The following ZNF184 variants were observed in gnomAD, a reference collection of about 807,000 sequenced individuals.
ZNF184 encodes zinc finger protein 184.
A neutral mutation model predicts 54.4 loss-of-function variants in ZNF184; 16 were observed. The observed-to-expected ratio is 0.29, with a 90% CI of 0.20 to 0.45. ZNF184 has a LOEUF of 0.45. Among genes scored for constraint, ZNF184 ranks in the 20% least tolerant of loss-of-function variants. The probability of loss-of-function intolerance (pLI) is 1.00; values close to 1 mark genes in which losing one functional copy is unlikely to be tolerated. For missense variants in ZNF184, 681 were observed against 888.2 expected (o/e 0.77, Z 2.97); for synonymous variants, 254 against 295.3 (o/e 0.86, Z 1.43).
intron 2 of ZNF184, among the ~76,000 whole-genome samples, chr6:27,468,632 C>T (rs1031986523): frequency 6.6e-6 from 1 of 152,166 alleles, no homozygotes; most frequent in African/African-American, 2.4e-5. Context: ...TGCCTTTCAA[C>T]AGAACACAGC....
intron 3 of ZNF184, 119 bp downstream of exon 3, chr6:27,467,734 G>T: frequency 1.1e-6 from 1 of 902,858 alleles, no homozygotes; most frequent in South Asian, 1.9e-5. Context: ...CTAGACAGAT[G>T]AGAGCCCAGA....
At chr6:27,438,626 TCCATGTCAGATC>T in the ZNF184 span, among the ~76,000 whole-genome samples, 1 of 152,180 alleles carries the variant, frequency 6.6e-6, no homozygotes, top group South Asian at 2.1e-4. Flanking sequence ...ATTTTATTCT[TCCATGTCAGATC>T]TTTCTGCAAA....
At chr6:27,427,019 A>C in the ZNF184 span, among the ~76,000 whole-genome samples, 5 of 151,956 alleles carry the variant, frequency 3.3e-5, no homozygotes, top group Admixed American at 3.3e-4. Flanking sequence ...CCTAAATGGC[A>C]AACAGCTAAT....
At chr6:27,443,331 A>G in the ZNF184 span, among the ~76,000 whole-genome samples, 1 of 152,254 alleles carries the variant, frequency 6.6e-6, no homozygotes, top group East Asian at 1.9e-4. Flanking sequence ...CTCCTCTAAG[A>G]CACCTGCTAT....
At chr6:27,427,504 T>A in the ZNF184 span, among the ~76,000 whole-genome samples, 3 of 152,208 alleles carry the variant, frequency 2.0e-5, no homozygotes, top group African/African-American at 7.2e-5. Context: ...TTGACTCTTC[T>A]GTTTCTTGAG....
At chr6:27,407,314 G>T in the ZNF184 span, among the ~76,000 whole-genome samples, 1 of 152,332 alleles carries the variant, frequency 6.6e-6, no homozygotes, top group East Asian at 1.9e-4. Context: ...TGTCCACCCT[G>T]TCTCGGCTGC....
intron 4 of ZNF184, 132 bp downstream of exon 4, chr6:27,457,151 G>T: frequency 7.7e-7 from 1 of 1,300,248 alleles, no homozygotes; most frequent in Non-Finnish European, 1.1e-6. Flanking sequence ...TGCTAGGATG[G>T]TAGAAACCTT....
chr6:27,465,218 C>T (rs1225636299), intron 3 of ZNF184, among the ~76,000 whole-genome samples: 14 of 148,758 alleles, frequency 9.4e-5, no homozygotes, highest in African/African-American at 3.5e-4. Flanking sequence ...GGCGCGGTGG[C>T]TCATGCCTGT....
rs893378010 is a variant in ZNF184 at position 27,451,660 on chromosome 6, T to C, written c.1899A>G (p.Gln633=). 1.2e-6 allele frequency: 2 copies of C among 1,614,156 alleles called. No individual in the cohort carries two copies. The highest frequency in any genetic ancestry group is 8.5e-7 in the Non-Finnish European group (1 of 1,179,998). ...AGGGTTTTTCTTCTGTGTGAGTTTT[T>C]TGATGTTGAGCAAGAGATGAACAAT... The part of the protein sequence containing the change: ...FRHCSSLAQH[Q]KTHTEEKPYQ... The change falls in exon 6 of 6, where the codon CAA becomes CAG. Residue 633 remains glutamine, a synonymous_variant. Transcript: ENST00000683788.
chr6:27,442,818 G>GAA, the ZNF184 span, among the ~76,000 whole-genome samples: 883 of 13,794 alleles, frequency 0.064, 45 homozygotes, highest in African/African-American at 0.19. Context: ...GAAAGAGAAA[G>GAA]AAAGAAAGAA....
At chr6:27,443,806 C>T in the ZNF184 span, among the ~76,000 whole-genome samples, 3 of 151,740 alleles carry the variant, frequency 2.0e-5, no homozygotes, top group Non-Finnish European at 4.4e-5. Context: ...CACTTTAGCT[C>T]TTACTTTCAC....
At chr6:27,435,176 T>C in the ZNF184 span, among the ~76,000 whole-genome samples, 1 of 152,136 alleles carries the variant, frequency 6.6e-6, no homozygotes, top group Non-Finnish European at 1.5e-5. Context: ...TTTTTCTTAT[T>C]ATCTAGAAAA....
At chr6:27,415,621 G>T in the ZNF184 span, among the ~76,000 whole-genome samples, 1 of 152,036 alleles carries the variant, frequency 6.6e-6, no homozygotes, top group Non-Finnish European at 1.5e-5. Flanking sequence ...TTATGTTTTG[G>T]AACGTTTCTT....
chr6:27,472,892 T>C lies in ZNF184; in HGVS notation c.-303A>G, dbSNP rs1265373815. The C allele has an allele frequency of 6.6e-6, 1 of 152,426 alleles. No individual in the cohort carries two copies. The highest frequency in any genetic ancestry group is 1.5e-5 in the Non-Finnish European group (1 of 68,286). The allele number at this position is 152,426 out of a possible 1,614,324, so 9.4% of individuals were successfully genotyped here. A position where few individuals can be genotyped will look rare whatever the true frequency, so the allele number is the denominator to read the frequency against. ...CGCCCCCTTCGAGGACTCCCCAGCTTTCTCCTGCAGAGGCCTCTAAGCGCG... is the reference window on the plus strand; with the variant it reads ...CGCCCCCTTCGAGGACTCCCCAGCTCTCTCCTGCAGAGGCCTCTAAGCGCG... On this transcript the variant is annotated 5_prime_UTR_variant, in exon 1 of 6. Transcript: ENST00000683788. The surrounding 1 kb of genome is among the most constrained non-coding windows in gnomAD (Gnocchi z 4.8).
At chr6:27,436,439 C>G in the ZNF184 span, among the ~76,000 whole-genome samples, 1 of 152,222 alleles carries the variant, frequency 6.6e-6, no homozygotes. Context: ...GCTGGGATTA[C>G]AGGCATGAGC....
At chr6:27,424,282 G>T in the ZNF184 span, among the ~76,000 whole-genome samples, 4 of 152,214 alleles carry the variant, frequency 2.6e-5, no homozygotes, top group Non-Finnish European at 5.9e-5. Flanking sequence ...GCTCACAAAA[G>T]TAGTGTGAGC....
the ZNF184 span, among the ~76,000 whole-genome samples, chr6:27,415,644 C>T: frequency 6.6e-6 from 1 of 152,098 alleles, no homozygotes; most frequent in African/African-American, 2.4e-5. Flanking sequence ...CTCAGAAATC[C>T]CATTACTTCC....
At chr6:27,463,786 G>T (rs1763058517) in intron 3 of ZNF184, among the ~76,000 whole-genome samples, 1 of 152,008 alleles carries the variant, frequency 6.6e-6, no homozygotes, top group Non-Finnish European at 1.5e-5. Context: ...ATACTGAAAA[G>T]AAGAAATCTG....
the ZNF184 span, among the ~76,000 whole-genome samples, chr6:27,445,731 A>AAAAAAAAAG: frequency 6.6e-6 from 1 of 151,828 alleles, no homozygotes; most frequent in Non-Finnish European, 1.5e-5. Context: ...CAAAAAAAAA[A>AAAAAAAAAG]AGACTAAAAC....
Sources: allele counts gnomAD v4.1 joint callset (sites outside exome capture counted in the v4.1 genomes callset), GRCh38; gene constraint gnomAD v4.1.1; non-coding constraint Gnocchi (gnomAD v3.1); transcripts MANE v1.5; gene names NCBI Gene and HGNC (gene_info 2026-07-23, HGNC 2026-07-21).